The following UMAD1 variants were observed in gnomAD, a reference collection of about 807,000 sequenced individuals.
The protein encoded by UMAD1 is UBAP1-MVB12-associated (UMA) domain containing 1, also known as UBAP1-MVB12-associated (UMA)-domain containing protein 1.
In UMAD1, 8 loss-of-function variants were observed where a neutral mutation model predicts 6.1. That is an observed-to-expected ratio of 1.30 (90% CI 0.76 to 2.35). The LOEUF (loss-of-function observed/expected upper bound fraction) is 2.35, where lower values mean the gene tolerates loss of function less well. UMAD1 is among the 30% of genes most tolerant of loss of function. The pLI, the probability that UMAD1 is intolerant of heterozygous loss-of-function variation, is 0.00. For missense variants in UMAD1, 130 were observed against 78.4 expected (o/e 1.66, Z -2.49); for synonymous variants, 56 against 31.4 (o/e 1.78, Z -2.61).
chr7:7,744,636 A>G (rs1781536462), intron 2 of UMAD1, among the ~76,000 whole-genome samples: 1 of 149,216 alleles, frequency 6.7e-6, no homozygotes, highest in East Asian at 2.0e-4. Flanking sequence ...TGAGTGTGAT[A>G]TAGTAGTTCA....
At chr7:7,670,593 C>G (rs1194648898) in intron 1 of UMAD1, among the ~76,000 whole-genome samples, 1 of 152,206 alleles carries the variant, frequency 6.6e-6, no homozygotes, top group Non-Finnish European at 1.5e-5. Flanking sequence ...GGCAGTCTGT[C>G]TCATTGCCCC....
chr7:7,765,503 A>T (rs1377934827), intron 2 of UMAD1, among the ~76,000 whole-genome samples: 1 of 152,210 alleles, frequency 6.6e-6, no homozygotes, highest in Non-Finnish European at 1.5e-5. Flanking sequence ...TTAATATTAC[A>T]ATTCTAAAAT....
intron 2 of UMAD1, among the ~76,000 whole-genome samples, chr7:7,794,228 C>A (rs1402736232): frequency 6.6e-6 from 1 of 152,190 alleles, no homozygotes; most frequent in Non-Finnish European, 1.5e-5. Flanking sequence ...CAGTCCACAA[C>A]AGCCCATTTC....
intron 3 of UMAD1, among the ~76,000 whole-genome samples, chr7:7,802,245 G>A (rs531746242): frequency 6.6e-6 from 1 of 152,310 alleles, no homozygotes; most frequent in East Asian, 1.9e-4. Flanking sequence ...GGGCATGGTG[G>A]CATGTGCCTG....
chr7:7,647,675 G>C (rs189456868), intron 1 of UMAD1, among the ~76,000 whole-genome samples: 208 of 152,308 alleles, frequency 1.4e-3, no homozygotes, highest in African/African-American at 4.7e-3. Context: ...TGGCGTGATT[G>C]TGGTGCAATG....
intron 3 of UMAD1, among the ~76,000 whole-genome samples, chr7:7,818,767 C>G (rs1467254909): frequency 6.6e-6 from 1 of 152,172 alleles, no homozygotes; most frequent in Non-Finnish European, 1.5e-5. Context: ...AACCTCCATG[C>G]CCATCAGTGA....
At chr7:7,771,249 A>C (rs1782094852) in intron 2 of UMAD1, among the ~76,000 whole-genome samples, 2 of 152,182 alleles carry the variant, frequency 1.3e-5, no homozygotes, top group South Asian at 4.1e-4. Context: ...ACAGGGCTTA[A>C]TTAAAATAAA....
intron 3 of UMAD1, among the ~76,000 whole-genome samples, chr7:7,806,736 A>G (rs1419837958): frequency 6.6e-6 from 1 of 152,194 alleles, no homozygotes; most frequent in African/African-American, 2.4e-5. Context: ...AAATTCAGTT[A>G]GCTTTAAATA....
intron 2 of UMAD1, among the ~76,000 whole-genome samples, chr7:7,732,376 T>C (rs1164934946): frequency 6.6e-6 from 1 of 152,136 alleles, no homozygotes; most frequent in Non-Finnish European, 1.5e-5. Flanking sequence ...TTGCTATTAG[T>C]CTTCTAACCT....
At chr7:7,732,738 C>G (rs905907064) in intron 2 of UMAD1, among the ~76,000 whole-genome samples, 4 of 152,158 alleles carry the variant, frequency 2.6e-5, no homozygotes, top group African/African-American at 9.7e-5. Context: ...AACACAGTCC[C>G]ATAAAATATA....
At chr7:7,829,803 G>A (rs756669693) in intron 3 of UMAD1, among the ~76,000 whole-genome samples, 17 of 152,070 alleles carry the variant, frequency 1.1e-4, no homozygotes, top group Non-Finnish European at 2.2e-4. Context: ...TCAGCTTCTG[G>A]ATCTCCTTGG....
chr7:7,790,768 C>G (rs978219921), intron 2 of UMAD1, among the ~76,000 whole-genome samples: 2 of 152,186 alleles, frequency 1.3e-5, no homozygotes, highest in African/African-American at 4.8e-5. Context: ...ATAAAACCAA[C>G]CAGCTTCTGC....
intron 2 of UMAD1, among the ~76,000 whole-genome samples, chr7:7,675,182 A>G (rs961012797): frequency 1.3e-5 from 2 of 152,154 alleles, no homozygotes; most frequent in African/African-American, 4.8e-5. Context: ...TGTTGTCTTT[A>G]TGATTAGAAA....
intron 3 of UMAD1, among the ~76,000 whole-genome samples, chr7:7,843,024 G>A (rs557538959): frequency 6.6e-6 from 1 of 152,310 alleles, no homozygotes; most frequent in East Asian, 1.9e-4. Context: ...GGTTCTTTTT[G>A]AGATGGTTCA....
intron 2 of UMAD1, among the ~76,000 whole-genome samples, chr7:7,728,469 C>A (rs1425391627): frequency 6.6e-6 from 1 of 152,076 alleles, no homozygotes; most frequent in Admixed American, 6.5e-5. Context: ...CATGGTGAAA[C>A]CCCGTCTCTG....
intron 3 of UMAD1, among the ~76,000 whole-genome samples, chr7:7,824,887 C>A (rs1583853081): frequency 6.6e-6 from 1 of 152,078 alleles, no homozygotes; most frequent in Non-Finnish European, 1.5e-5. Context: ...AGAAAAATGG[C>A]TCTTGATTTT....
In UMAD1 at chr7:7,737,261, T is replaced by C. The variant is rs1281702366; in HGVS notation, c.82+63808T>C. On this transcript the variant is annotated intron_variant, in intron 2 of 3. Transcript: ENST00000682710. ...GTGAGTTAATTAACCTCTCTGGGCT[T>C]CAGTTTTCTCAGCCGTGAAACAAGG... is the stretch of plus-strand genomic sequence containing the variant. Among the ~76,000 whole-genome samples, 5 of 152,222 alleles carry C rather than the reference T, an allele frequency of 3.3e-5. No individual in the cohort carries two copies. In the East Asian group the frequency reaches 9.6e-4, roughly 29 times the overall value.
chr7:7,754,204 A>G (rs1252079314), intron 2 of UMAD1, among the ~76,000 whole-genome samples: 1 of 152,184 alleles, frequency 6.6e-6, no homozygotes, highest in African/African-American at 2.4e-5. Flanking sequence ...AAGAAAAAAA[A>G]CAAAGCAAAA....
chr7:7,696,706 T>A (rs1322376421), intron 2 of UMAD1, among the ~76,000 whole-genome samples: 2 of 152,190 alleles, frequency 1.3e-5, no homozygotes, highest in East Asian at 3.8e-4. Flanking sequence ...TTTTTCTGCC[T>A]CTAGAACTGC....
Sources: allele counts gnomAD v4.1 joint callset (sites outside exome capture counted in the v4.1 genomes callset), GRCh38; gene constraint gnomAD v4.1.1; transcripts MANE v1.5; gene names NCBI Gene and HGNC (gene_info 2026-07-23, HGNC 2026-07-21).